RUFY3: variants seen among roughly 807,000 people sequenced by gnomAD.
The protein encoded by RUFY3 is protein RUFY3.
Under a neutral mutation model 84.0 loss-of-function variants are expected in RUFY3, and 34 were observed. The ratio of observed to expected loss-of-function variants is 0.40; its 90% CI spans 0.31 to 0.54. The LOEUF (loss-of-function observed/expected upper bound fraction) is 0.54. RUFY3 is among the 20% of genes least tolerant of loss of function. The probability of loss-of-function intolerance (pLI) is 0.39; values close to 1 mark genes in which losing one functional copy is unlikely to be tolerated. For missense variants in RUFY3, 507 were observed against 736.8 expected (o/e 0.69, Z 3.61); for synonymous variants, 242 against 252.9 (o/e 0.96, Z 0.41).
At chr4:70,719,520 A>G (rs1035963768), upstream of RUFY3, among the ~76,000 whole-genome samples, 2 of 152,180 alleles carry the variant, frequency 1.3e-5, no homozygotes, top group African/African-American at 4.8e-5. Context: ...TTATTCATGT[A>G]TTCCTTGTTC....
intron 1 of RUFY3, among the ~76,000 whole-genome samples, chr4:70,707,705 A>G (rs1233170422): frequency 1.4e-5 from 2 of 143,444 alleles, no homozygotes; most frequent in Non-Finnish European, 2.9e-5. Flanking sequence ...AACATTTCAT[A>G]TTAGCAAAAA....
At chr4:70,806,285 C>T (rs1338943649) in intron 17 of RUFY3, among the ~76,000 whole-genome samples, 2 of 152,172 alleles carry the variant, frequency 1.3e-5, no homozygotes, top group African/African-American at 4.8e-5. Context: ...TGTATGTTAC[C>T]TGTTTTTATT....
intron 7 of RUFY3, among the ~76,000 whole-genome samples, chr4:70,777,598 G>C (rs1189195198): frequency 6.6e-6 from 1 of 152,122 alleles, no homozygotes. Context: ...GAACTATGGA[G>C]ATGTTAGCCA....
chr4:70,736,580 T>C (rs954570221), intron 1 of RUFY3, among the ~76,000 whole-genome samples: 17 of 152,066 alleles, frequency 1.1e-4, no homozygotes, highest in South Asian at 4.1e-4. Flanking sequence ...TCTTTTCTTT[T>C]TTTTTTCTGA....
chr4:70,705,858 G>A (rs1316358675), intron 1 of RUFY3, among the ~76,000 whole-genome samples: 1 of 152,212 alleles, frequency 6.6e-6, no homozygotes. Flanking sequence ...TTCCTTCCAT[G>A]CCGGTAAATA....
At chr4:70,806,475 T>G in intron 17 of RUFY3, 41 bp from the exon 18 acceptor site, 1 of 1,610,762 alleles carries the variant, frequency 6.2e-7, no homozygotes, top group Non-Finnish European at 8.5e-7. Context: ...CCTTATGCCT[T>G]GCTCATCTTC....
intron 1 of RUFY3, among the ~76,000 whole-genome samples, chr4:70,705,997 T>TA (rs1373408769): frequency 6.6e-6 from 1 of 152,168 alleles, no homozygotes; most frequent in African/African-American, 2.4e-5. Context: ...CCTCCACTTT[T>TA]AAAGCCACTG....
chr4:70,783,165 A>G lies in RUFY3; in HGVS notation c.969A>G (p.Ile323Met), dbSNP rs755827378. The part of the protein sequence containing the change: ...MERVKEESSY[I>M]LESNRKGPKQ... ...GAGTTAAAGAGGAAAGTTCCTACAT[A>G]CTGGAATCCAATCGGAAGGTTAATC... Residue 323 changes from isoleucine (I) to methionine (M), a missense_variant, in exon 9 of 18, where the codon ATA becomes ATG. Ile to Met is a conservative substitution (Grantham distance 10, BLOSUM62 1). Transcript: ENST00000381006. The G allele has an allele frequency of 1.1e-5, 17 of 1,599,094 alleles. No homozygotes were observed. In the East Asian group the frequency reaches 3.6e-4, roughly 34 times the overall value.
intron 1 of RUFY3, among the ~76,000 whole-genome samples, chr4:70,751,666 A>G (rs1445105977): frequency 6.6e-6 from 1 of 152,154 alleles, no homozygotes; most frequent in Non-Finnish European, 1.5e-5. Context: ...TGATTTGCAA[A>G]TATTTTCTGC....
intron 1 of RUFY3, among the ~76,000 whole-genome samples, chr4:70,755,532 C>T (rs1383664848): frequency 1.3e-5 from 2 of 152,164 alleles, no homozygotes; most frequent in African/African-American, 2.4e-5. Context: ...AGCTATATGA[C>T]TTCAGATCAC....
chr4:70,763,213 T>A (rs1178349822), intron 2 of RUFY3, among the ~76,000 whole-genome samples: 1 of 152,154 alleles, frequency 6.6e-6, no homozygotes, highest in Non-Finnish European at 1.5e-5. Context: ...AACTTCCCAA[T>A]ATTCCATAGC....
chr4:70,772,953 G>A (rs1355070068), intron 5 of RUFY3, among the ~76,000 whole-genome samples: 1 of 152,124 alleles, frequency 6.6e-6, no homozygotes. Context: ...GAGCCACTGC[G>A]CCCGGCCTTT....
chr4:70,730,556 T>C (rs1719068997), intron 1 of RUFY3, among the ~76,000 whole-genome samples: 1 of 136,294 alleles, frequency 7.3e-6, no homozygotes, highest in Admixed American at 7.1e-5. Context: ...CTGGCCAACA[T>C]GGTGTACTAA....
chr4:70,734,739 G>T (rs539900373), intron 1 of RUFY3: 21 of 187,396 alleles, frequency 1.1e-4, no homozygotes, highest in Admixed American at 4.6e-4. Flanking sequence ...AACATACTCT[G>T]CATAAAATCA....
chr4:70,801,128 T>G (rs188418219), intron 15 of RUFY3, among the ~76,000 whole-genome samples: 1 of 143,906 alleles, frequency 6.9e-6, no homozygotes, highest in African/African-American at 2.6e-5. Context: ...GAGGTCCAGT[T>G]ACATGACATT....
At position 70,766,675 on chromosome 4, in the gene RUFY3, A is replaced by G. The variant is rs1431692299; in HGVS notation, c.573-1863A>G. 3.3e-5 allele frequency among the ~76,000 whole-genome samples: 5 copies of G among 152,204 alleles called. No homozygotes were observed. The South Asian group carries it at 6.2e-4, about 19-fold the overall frequency. On this transcript the variant is annotated intron_variant, in intron 4 of 17. Coordinates refer to ENST00000381006, the MANE Select transcript of RUFY3 (RefSeq NM_001037442.4). ...CCCTGTACAACCTCCCTCATTATCA[A>G]CATCCCACAGGAGTGGTACATTTGT...
intron 1 of RUFY3, among the ~76,000 whole-genome samples, chr4:70,742,353 T>C (rs1193858021): frequency 6.6e-6 from 1 of 152,188 alleles, no homozygotes; most frequent in Non-Finnish European, 1.5e-5. Context: ...GAATCTACTT[T>C]ATCATTTTAC....
At chr4:70,736,947 C>T (rs1175179506) in intron 1 of RUFY3, among the ~76,000 whole-genome samples, 1 of 152,200 alleles carries the variant, frequency 6.6e-6, no homozygotes, top group Non-Finnish European at 1.5e-5. Flanking sequence ...CTACCCAAGA[C>T]AGTTTTAGAA....
At chr4:70,780,779 A>T (rs1016278832) in intron 8 of RUFY3, among the ~76,000 whole-genome samples, 1 of 152,240 alleles carries the variant, frequency 6.6e-6, no homozygotes, top group Non-Finnish European at 1.5e-5. Flanking sequence ...ATAGTTGTTA[A>T]TTTTATTCCC....
Sources: allele counts gnomAD v4.1 joint callset (sites outside exome capture counted in the v4.1 genomes callset), GRCh38; gene constraint gnomAD v4.1.1; transcripts MANE v1.5; gene names NCBI Gene and HGNC (gene_info 2026-07-23, HGNC 2026-07-21).